Variants in EPCIP observed in about 807,000 individuals in gnomAD.
EPCIP encodes exosomal polycystin-1-interacting protein.
At chr21:32,796,476 A>G in the EPCIP span, among the ~76,000 whole-genome samples, 1 of 151,800 alleles carries the variant, frequency 6.6e-6, no homozygotes, top group Non-Finnish European at 1.5e-5. Context: ...AACATAGCAG[A>G]GAGAGAGAGA....
chr21:32,793,774 T>C, the EPCIP span: 13 of 1,614,148 alleles, frequency 8.1e-6, no homozygotes, highest in Non-Finnish European at 1.1e-5. Flanking sequence ...AGTAAATAAA[T>C]GTGACAACAT....
At chr21:32,806,614 A>G in the EPCIP span, among the ~76,000 whole-genome samples, 1 of 152,236 alleles carries the variant, frequency 6.6e-6, no homozygotes, top group East Asian at 1.9e-4. Flanking sequence ...CTCTTCAGGT[A>G]TCAGCTGGAT....
At chr21:32,807,531 G>A in the EPCIP span, 2 of 151,744 alleles carry the variant, frequency 1.3e-5, no homozygotes, top group Non-Finnish European at 2.9e-5. Flanking sequence ...CTCCGTGTTG[G>A]TCAGGCTGGT....
At chr21:32,792,165 A>G in the EPCIP span, among the ~76,000 whole-genome samples, 2 of 152,146 alleles carry the variant, frequency 1.3e-5, no homozygotes, top group Non-Finnish European at 2.9e-5. Context: ...CGGCCTCCCA[A>G]GCCATGGATT....
chr21:32,791,475 C>T, the EPCIP span: 1 of 151,926 alleles, frequency 6.6e-6, no homozygotes, highest in Non-Finnish European at 1.5e-5. Flanking sequence ...CTAATCTTTT[C>T]ACTTGTCTTT....
At chr21:32,811,368 G>A in the EPCIP span, among the ~76,000 whole-genome samples, 2 of 152,162 alleles carry the variant, frequency 1.3e-5, no homozygotes, top group Non-Finnish European at 2.9e-5. Flanking sequence ...CTGACCTCAA[G>A]TGATCCACCC....
chr21:32,793,625 C>T, the EPCIP span: 3 of 774,734 alleles, frequency 3.9e-6, no homozygotes, highest in Non-Finnish European at 7.0e-6. Context: ...GTATGTGTGG[C>T]TGTGTTGCAA....
chr21:32,809,904 T>TA, the EPCIP span, among the ~76,000 whole-genome samples: 152 of 148,326 alleles, frequency 1.0e-3, no homozygotes, highest in African/African-American at 3.1e-3. Flanking sequence ...TAAGATAAAT[T>TA]AAAAAAAAAA....
chr21:32,796,714 C>T, the EPCIP span, among the ~76,000 whole-genome samples: 4 of 152,240 alleles, frequency 2.6e-5, no homozygotes, highest in South Asian at 2.1e-4. Context: ...TAGTGAGGAA[C>T]GGTGTATAAT....
the EPCIP span, chr21:32,794,609 G>A: frequency 1.9e-5 from 12 of 631,194 alleles, no homozygotes; most frequent in South Asian, 2.5e-4. Flanking sequence ...ACTGTTTCCT[G>A]AGCCACAGGC....
chr21:32,808,060 A>G, the EPCIP span, among the ~76,000 whole-genome samples: 1 of 152,234 alleles, frequency 6.6e-6, no homozygotes, highest in African/African-American at 2.4e-5. Context: ...TAGAATTAGT[A>G]TATTTTGGTC....
chr21:32,792,169 A>G, the EPCIP span, among the ~76,000 whole-genome samples: 19 of 152,138 alleles, frequency 1.2e-4, no homozygotes, highest in Non-Finnish European at 2.5e-4. Flanking sequence ...CTCCCAAGCC[A>G]TGGATTCTTT....
At chr21:32,809,131 T>C in the EPCIP span, among the ~76,000 whole-genome samples, 1 of 149,244 alleles carries the variant, frequency 6.7e-6, no homozygotes, top group East Asian at 2.0e-4. Flanking sequence ...GGATCAAAAC[T>C]GGGAAAGGAG....
At chr21:32,810,421 ATTT>A in the EPCIP span, among the ~76,000 whole-genome samples, 22 of 122,602 alleles carry the variant, frequency 1.8e-4, no homozygotes, top group Admixed American at 3.2e-4. Context: ...ATGCCCGGTA[ATTT>A]TTTTTTTTTT....
chr21:32,791,763 C>A, the EPCIP span, among the ~76,000 whole-genome samples: 1 of 151,826 alleles, frequency 6.6e-6, no homozygotes, highest in East Asian at 1.9e-4. Context: ...TGTATGTGAT[C>A]TAAAGTCATC....
chr21:32,791,860 C>T, the EPCIP span, among the ~76,000 whole-genome samples: 1 of 151,900 alleles, frequency 6.6e-6, no homozygotes, highest in East Asian at 1.9e-4. Context: ...CATTCCACTC[C>T]AGGTTTAGAC....
At chr21:32,809,826 G>T in the EPCIP span, among the ~76,000 whole-genome samples, 1 of 151,816 alleles carries the variant, frequency 6.6e-6, no homozygotes, top group African/African-American at 2.4e-5. Context: ...TTATTATGCT[G>T]GGGGAATAGG....
At chr21:32,791,480 G>A in the EPCIP span, 1 of 151,936 alleles carries the variant, frequency 6.6e-6, no homozygotes, top group African/African-American at 2.4e-5. Context: ...CTTTTCACTT[G>A]TCTTTTCTTG....
the EPCIP span, among the ~76,000 whole-genome samples, chr21:32,809,178 GGTGC>G: frequency 1.4e-5 from 1 of 69,724 alleles, no homozygotes; most frequent in African/African-American, 4.6e-5. Flanking sequence ...AGCCTCGAGG[GGTGC>G]GTGTGTGTGT....
Sources: allele counts gnomAD v4.1 joint callset (sites outside exome capture counted in the v4.1 genomes callset), GRCh38; gene constraint gnomAD v4.1.1; transcripts MANE v1.5; gene names NCBI Gene and HGNC (gene_info 2026-07-23, HGNC 2026-07-21).